Variants in HOXA3 observed in about 807,000 individuals in gnomAD.
The protein encoded by HOXA3 is homeobox protein Hox-A3.
In HOXA3, 8 loss-of-function variants were observed where a neutral mutation model predicts 30.3. The observed-to-expected ratio is 0.26, with a 90% CI of 0.15 to 0.48. The LOEUF (loss-of-function observed/expected upper bound fraction) is 0.48. Among genes scored for constraint, HOXA3 ranks in the 20% least tolerant of loss-of-function variants. The pLI, the probability that HOXA3 is intolerant of heterozygous loss-of-function variation, is 0.99. For synonymous variants in HOXA3, 323 were observed against 273.1 expected (o/e 1.18, Z -1.80); for missense variants, 653 against 614.4 (o/e 1.06, Z -0.66).
Position 27,107,939 on chromosome 7 carries a change from T to C in HOXA3, c.1308A>G (p.Glu436=). 6.3e-7 allele frequency: 1 copy of C among 1,585,242 alleles called. No homozygotes were observed. ...ATCACAGGTGGGTGAGCTTGGGTGC[T>C]TCCTGAATTCTTCCCTGAGAAGGAT... is the stretch of plus-strand genomic sequence containing the variant. ...GHHPSQGRIQ[E]APKLTHL The change falls in exon 6 of 6, where the codon GAA becomes GAG. Residue 436 remains glutamate, a synonymous_variant. Coordinates refer to ENST00000612286, the MANE Select transcript of HOXA3 (RefSeq NM_153631.3).
chr7:27,118,835 T>C lies in HOXA3; in HGVS notation c.-121+3724A>G, dbSNP rs541755577. Among the ~76,000 whole-genome samples, 48 of 152,306 alleles carry C rather than the reference T, an allele frequency of 3.2e-4. 1 individual carries two copies. In the South Asian group the frequency reaches 9.7e-3, roughly 31 times the overall value. ...AGCGGACTTCCTCACAGCCTGCCAT[T>C]GTATGGAGTTTGCTAACACCCACAC... is the stretch of plus-strand genomic sequence containing the variant. On this transcript the variant is annotated intron_variant, in intron 4 of 5. Coordinates refer to ENST00000612286, the MANE Select transcript of HOXA3 (RefSeq NM_153631.3).
chr7:27,139,412 G>A (rs550407626), intron 2 of HOXA3, among the ~76,000 whole-genome samples: 3 of 152,152 alleles, frequency 2.0e-5, no homozygotes, highest in African/African-American at 7.2e-5. Context: ...CTTGCAACCC[G>A]GGGGCCCAGC....
intron 1 of HOXA3, chr7:27,142,057 C>T: frequency 1.2e-6 from 2 of 1,614,040 alleles, no homozygotes; most frequent in Non-Finnish European, 1.7e-6. Context: ...CCGTCCGGGC[C>T]CTTTTGCCTT....
At position 27,108,811 on chromosome 7, in the gene HOXA3, C is replaced by T. The variant is rs1784190063; in HGVS notation, c.527-91G>A. On this transcript the variant is annotated intron_variant, in intron 5 of 5. Coordinates refer to ENST00000612286, the MANE Select transcript of HOXA3 (RefSeq NM_153631.3). This position sits in a 1 kb window ranked among gnomAD's most constrained non-coding sequence, Gnocchi z 5.0. ...AGCCCGGCCCCTCCTTCCACCAGGC[C>T]CCAAAGGTTCCTGCATCCGTCAGGT... 2 of 929,562 alleles carry T rather than the reference C, an allele frequency of 2.2e-6. No homozygotes were observed. The highest frequency in any genetic ancestry group is 2.7e-5 in the Admixed American group (1 of 36,624). The allele number at this position is 929,562 out of a possible 1,614,324, so 57.6% of individuals were successfully genotyped here.
chr7:27,138,441 C>A (rs1341601543), intron 2 of HOXA3, among the ~76,000 whole-genome samples: 1 of 152,198 alleles, frequency 6.6e-6, no homozygotes, highest in East Asian at 1.9e-4. Context: ...TAATAGGTAT[C>A]TTTACCAATT....
chr7:27,125,055 C>T (rs1050819517), intron 3 of HOXA3, among the ~76,000 whole-genome samples: 4 of 152,288 alleles, frequency 2.6e-5, no homozygotes, highest in Admixed American at 2.6e-4. Flanking sequence ...GAGGCAAGAA[C>T]CCATCCTTCT....
intron 4 of HOXA3, among the ~76,000 whole-genome samples, chr7:27,118,996 G>T (rs1241250346): frequency 6.6e-6 from 1 of 152,128 alleles, no homozygotes; most frequent in Non-Finnish European, 1.5e-5. Flanking sequence ...TAGAGTGGTG[G>T]GTCCGGGTTT....
At position 27,142,999 on chromosome 7, in the gene HOXA3, A is replaced by G. The variant is rs781688061; in HGVS notation, c.-493-2813T>C. 2.1e-6 allele frequency: 3 copies of G among 1,455,736 alleles called. No individual in the cohort carries two copies. In the South Asian group the frequency reaches 4.2e-5, roughly 20 times the overall value. 90.2% of individuals were successfully genotyped at this position (1,455,736 alleles called of 1,614,324 possible). ...GGCAGAGAAGAGAGGGGGGACCGAG[A>G]GCCGCGTCCCCGCGGTCGCGTGGAT... On this transcript the variant is annotated intron_variant, in intron 1 of 5. Transcript: ENST00000612286.
chr7:27,107,869 G>T lies in HOXA3; in HGVS notation c.*46C>A. The T allele has an allele frequency of 5.1e-6, 6 of 1,183,966 alleles. No homozygotes were observed. The highest frequency in any genetic ancestry group is 5.7e-6 in the Non-Finnish European group (5 of 883,980). The allele number at this position is 1,183,966 out of a possible 1,614,324, so 73.3% of individuals were successfully genotyped here. ...AAAAAAAAAGCAACCAAAGAAAAAA[G>T]GTGGGTGGGGGGAGACTCTCCTGGC... On this transcript the variant is annotated 3_prime_UTR_variant, in exon 6 of 6. Transcript: ENST00000612286.
chr7:27,108,607 G>T lies in HOXA3; in HGVS notation c.640C>A (p.Arg214Ser), dbSNP rs1394900092. The T allele has an allele frequency of 1.2e-6, 2 of 1,614,048 alleles. No individual in the cohort carries two copies. Among genetic ancestry groups the T allele is most frequent in the Non-Finnish European group, 1.7e-6 (2 of 1,180,000 alleles). The change falls in exon 6 of 6, where the codon CGC becomes AGC. Residue 214 changes from arginine (R) to serine (S), a missense_variant. Physicochemically the swap from Arg to Ser is moderately radical, Grantham distance 110. This residue lies in a region of HOXA3 where 320 missense variants were observed against 321.9 expected (regional missense o/e 0.99). Transcript: ENST00000612286. The surrounding 1 kb of genome is among the most constrained non-coding windows in gnomAD (Gnocchi z 5.0). ...ACCCGGCGCGGCCGGCACAGGTAGCGGTTGAAGTGGAACTCTTTCTCCAGC... is the reference window on the plus strand; with the variant it reads ...ACCCGGCGCGGCCGGCACAGGTAGCTGTTGAAGTGGAACTCTTTCTCCAGC... The part of the protein sequence containing the change: ...VELEKEFHFN[R>S]YLCRPRRVEM...
chr7:27,141,599 A>C, intron 1 of HOXA3: 1 of 417,072 alleles, frequency 2.4e-6, no homozygotes, highest in Non-Finnish European at 4.2e-6. Flanking sequence ...AATAAGTTAA[A>C]ACATCTATTT....
At chr7:27,141,128 A>AAAAAAAAAAAAAC in intron 1 of HOXA3, 1 of 151,692 alleles carries the variant, frequency 6.6e-6, no homozygotes, top group South Asian at 2.1e-4. Context: ...AAAAAAAAAA[A>AAAAAAAAAAAAAC]AAAAAAAAAG....
chr7:27,135,059 G>A (rs1398445338), intron 2 of HOXA3, among the ~76,000 whole-genome samples: 2 of 151,566 alleles, frequency 1.3e-5, no homozygotes, highest in Non-Finnish European at 2.9e-5. Flanking sequence ...ATAAAATATT[G>A]TTTAGCTCTT....
At chr7:27,139,592 G>C (rs567330678) in intron 2 of HOXA3, among the ~76,000 whole-genome samples, 100 of 152,302 alleles carry the variant, frequency 6.6e-4, no homozygotes, top group African/African-American at 2.2e-3. Flanking sequence ...AGTCCGCCTC[G>C]GCCCTGCCCC....
At chr7:27,142,188 A>C in intron 1 of HOXA3, 37 of 1,322,768 alleles carry the variant, frequency 2.8e-5, no homozygotes, top group Non-Finnish European at 3.4e-5. Flanking sequence ...CGAAAAGCTC[A>C]ACAAGTTCTG....
At chr7:27,119,876 C>T in intron 4 of HOXA3, among the ~76,000 whole-genome samples, 1 of 152,198 alleles carries the variant, frequency 6.6e-6, no homozygotes, top group South Asian at 2.1e-4. Flanking sequence ...AAGGTTCAAT[C>T]TGTGGTGTAG....
chr7:27,130,895 C>T lies in HOXA3; in HGVS notation c.-389-3825G>A, dbSNP rs567948173. On this transcript the variant is annotated intron_variant, in intron 2 of 5. Transcript: ENST00000612286. ...CCACTCCTCCCCCTCCCGCAGACGC[C>T]GCCACCAAAGTTCGAGCCGCTCCTC... 1,270 of 724,212 alleles carry T rather than the reference C, an allele frequency of 1.8e-3. 19 individuals are homozygous for T. The highest frequency in any genetic ancestry group is 0.017 in the South Asian group (1,026 of 61,832). The allele number at this position is 724,212 out of a possible 1,614,324, so 44.9% of individuals were successfully genotyped here. A position where few individuals can be genotyped will look rare whatever the true frequency, so the allele number is the denominator to read the frequency against.
chr7:27,134,495 G>C (rs940284811), intron 2 of HOXA3, among the ~76,000 whole-genome samples: 1 of 152,216 alleles, frequency 6.6e-6, no homozygotes, highest in East Asian at 1.9e-4. Flanking sequence ...TCTATAAGGT[G>C]TGTCACATGT....
intron 4 of HOXA3, among the ~76,000 whole-genome samples, chr7:27,114,198 A>C (rs1784548659): frequency 6.6e-6 from 1 of 151,792 alleles, no homozygotes; most frequent in Admixed American, 6.6e-5. Context: ...CCACCCCCCA[A>C]CGCCCTCCCT....
Sources: allele counts gnomAD v4.1 joint callset (sites outside exome capture counted in the v4.1 genomes callset), GRCh38; gene constraint gnomAD v4.1.1; regional missense constraint gnomAD v4.1.1; non-coding constraint Gnocchi (gnomAD v3.1); transcripts MANE v1.5; gene names NCBI Gene and HGNC (gene_info 2026-07-23, HGNC 2026-07-21).